Variants in PLIN5 observed in about 807,000 individuals in gnomAD.
PLIN5 encodes perilipin 5.
Under a neutral mutation model 32.8 loss-of-function variants are expected in PLIN5, and 34 were observed. The ratio of observed to expected loss-of-function variants is 1.04; its 90% CI spans 0.79 to 1.38. The LOEUF is 1.38. Ranked by LOEUF, PLIN5 falls within the 40% of genes most tolerant of loss-of-function variation. The pLI is 0.00. For missense variants in PLIN5, 712 were observed against 660.5 expected (o/e 1.08, Z -0.85); for synonymous variants, 309 against 292.9 (o/e 1.05, Z -0.56).
chr19:4,535,105 C>G (rs1211319749), intron 1 of PLIN5, 60 bp downstream of exon 1: 1 of 152,282 alleles, frequency 6.6e-6, no homozygotes, highest in African/African-American at 2.4e-5. Context: ...ACCACCCTAT[C>G]TGGAGCTCCT....
At chr19:4,529,566 AC>A in intron 4 of PLIN5, 1 of 507,690 alleles carries the variant, frequency 2.0e-6, no homozygotes, top group Non-Finnish European at 3.5e-6. Flanking sequence ...ATATACTTAT[AC>A]GTATATATAC....
rs1976886999 is a variant in PLIN5 at position 4,531,697 on chromosome 19, G to A, written c.186C>T (p.Asn62=). Residue 62 remains asparagine, a synonymous_variant, in exon 3 of 8, where the codon AAC becomes AAT. Coordinates refer to ENST00000381848, the MANE Select transcript of PLIN5 (RefSeq NM_001013706.3). ...CACGGGTGGTCAGGCCGCACACGCA[G>A]TTCTCAGCCAGGCGGCAGGCGGAGC... is the stretch of plus-strand genomic sequence containing the variant. ...LLGSACRLAE[N]CVCGLTTRAL... 1.3e-6 allele frequency: 2 copies of A among 1,568,274 alleles called. No homozygotes were observed. Among genetic ancestry groups the A allele is most frequent in the Non-Finnish European group, 1.7e-6 (2 of 1,160,952 alleles).
chr19:4,531,304 T>A (rs574134529), intron 3 of PLIN5, among the ~76,000 whole-genome samples: 6 of 149,830 alleles, frequency 4.0e-5, no homozygotes, highest in South Asian at 2.1e-4. Context: ...CAGCCAGATT[T>A]AAAAAAAAAA....
At chr19:4,527,082 A>AT (rs575166711) in intron 5 of PLIN5, among the ~76,000 whole-genome samples, 4,702 of 147,406 alleles carry the variant, frequency 0.032, 277 homozygotes, top group African/African-American at 0.11. Flanking sequence ...AAGAAAAAAA[A>AT]TTTTTTTTTT....
At position 4,525,926 on chromosome 19, in the gene PLIN5, CAGCACGGGGACAGGATACGG is replaced by C; in HGVS notation, c.521-114_521-95del. The C allele has an allele frequency of 3.5e-6, 2 of 566,872 alleles. No homozygotes were observed. Among genetic ancestry groups the C allele is most frequent in the Middle Eastern group, 4.9e-4 (1 of 2,044 alleles). 35.1% of individuals were successfully genotyped at this position (566,872 alleles called of 1,614,324 possible). On this transcript the variant is annotated intron_variant, in intron 5 of 7. Coordinates refer to ENST00000381848, the MANE Select transcript of PLIN5 (RefSeq NM_001013706.3). This position sits in a 1 kb window ranked among gnomAD's most constrained non-coding sequence, Gnocchi z 5.6. ...ACAGCACGGGGACAGGATACGGGGA[CAGCACGGGGACAGGATACGG>C]GGACAGCACGGGGACAGCATGGGGT...
rs1265510720 is a variant in PLIN5, at chr19:4,525,849, G to A, written c.521-17C>T. 3.9e-6 allele frequency: 6 copies of A among 1,552,822 alleles called. No individual in the cohort carries two copies. Among genetic ancestry groups the A allele is most frequent in the African/African-American group, 2.1e-5 (1 of 48,100 alleles). ...CCAGTGCCGCTGGAGGACAGGATAC[G>A]GGGACAGCACGGGGACAGGATACGG... On this transcript the variant is annotated splice_polypyrimidine_tract_variant and intron_variant, in intron 5 of 7. Transcript: ENST00000381848. The surrounding 1 kb of genome is among the most constrained non-coding windows in gnomAD (Gnocchi z 5.6).
In PLIN5 at chr19:4,527,530, C is replaced by A. The variant is rs1221016043; in HGVS notation, c.520+1543G>T. On this transcript the variant is annotated intron_variant, in intron 5 of 7. Coordinates refer to ENST00000381848, the MANE Select transcript of PLIN5 (RefSeq NM_001013706.3). ...CTCTAGCCTGGGCGACAGAGTGAGA[C>A]TCCACTTCAAAAAAAAAAAAAAAAA... Among the ~76,000 whole-genome samples, 4 of 93,396 alleles carry A rather than the reference C, an allele frequency of 4.3e-5. No homozygotes were observed. In the Admixed American group the frequency reaches 5.1e-4, roughly 12 times the overall value. The allele number at this position is 93,396 out of a possible 152,430, so 61.3% of individuals were successfully genotyped here.
In PLIN5 at chr19:4,531,817, C is replaced by A; in HGVS notation, c.66G>T (p.Val22=). Residue 22 remains valine, a synonymous_variant, in exon 3 of 8, where the codon GTG becomes GTT. Coordinates refer to ENST00000381848, the MANE Select transcript of PLIN5 (RefSeq NM_001013706.3). ...GGGGCAGAGCCACCACACGCTGCAC[C>A]ACGTTCTGCGGGAAGGGTCGGCATC... ...SSVWEQDQQN[V]VQRVVALPLV... 1.3e-6 allele frequency: 2 copies of A among 1,550,288 alleles called. No homozygotes were observed. Among genetic ancestry groups the A allele is most frequent in the South Asian group, 2.4e-5 (2 of 83,084 alleles).
chr19:4,530,143 T>C (rs1005810987), intron 3 of PLIN5, among the ~76,000 whole-genome samples: 1 of 151,682 alleles, frequency 6.6e-6, no homozygotes, highest in African/African-American at 2.4e-5. Flanking sequence ...ACGAGGGAGA[T>C]GGGGAGAAGG....
In PLIN5 at chr19:4,529,148, G is replaced by A. The variant is rs1976845536; in HGVS notation, c.445C>T (p.His149Tyr). ...TTTTCCAGTACAACATCCACAGCAT[G>A]GCTCACGGAGCGCTTCAGCTCCACG... is the stretch of plus-strand genomic sequence containing the variant. ...WSVELKRSVS[H>Y]AVDVVLEKSE... Residue 149 changes from histidine (H) to tyrosine (Y), a missense_variant, in exon 5 of 8, where the codon CAT becomes TAT. Coordinates refer to ENST00000381848, the MANE Select transcript of PLIN5 (RefSeq NM_001013706.3). 2 of 1,613,362 alleles carry A rather than the reference G, an allele frequency of 1.2e-6. No homozygotes were observed. Among genetic ancestry groups the A allele is most frequent in the African/African-American group, 1.3e-5 (1 of 75,028 alleles).
At position 4,522,594 on chromosome 19, in the gene PLIN5, G is replaced by A. The variant is rs1337057668; in HGVS notation, c.*934C>T. The stretch of plus-strand genomic sequence containing the variant: ...CCCAAACAGCAAAGCAAGCGAGTAT[G>A]GCAGGCTGAGCAGCACGGCCCATGG... On this transcript the variant is annotated 3_prime_UTR_variant, in exon 8 of 8. Coordinates refer to ENST00000381848, the MANE Select transcript of PLIN5 (RefSeq NM_001013706.3). The A allele has an allele frequency of 6.6e-6, 1 of 152,222 alleles. No individual in the cohort carries two copies. The highest frequency in any genetic ancestry group is 2.1e-4 in the South Asian group (1 of 4,832). 9.4% of individuals were successfully genotyped at this position (152,222 alleles called of 1,614,324 possible).
intron 3 of PLIN5, among the ~76,000 whole-genome samples, chr19:4,530,729 G>A (rs978374754): frequency 7.2e-5 from 11 of 152,068 alleles, no homozygotes; most frequent in Admixed American, 2.6e-4. Flanking sequence ...CTGGAGTGCA[G>A]TGGTGCGATC....
rs1268947197 is a variant in PLIN5, at chr19:4,525,083, G to C, written c.721-7C>G. On this transcript the variant is annotated splice_polypyrimidine_tract_variant and splice_region_variant and intron_variant, in intron 6 of 7. Transcript: ENST00000381848. This position sits in a 1 kb window ranked among gnomAD's most constrained non-coding sequence, Gnocchi z 5.6. ...CACACTGCATGTGGTCTATCTGCAA[G>C]GACAGAAATGGTGGTCTTCAGAGCT... The C allele has an allele frequency of 7.2e-7, 1 of 1,384,832 alleles. No homozygotes were observed. The highest frequency in any genetic ancestry group is 1.5e-5 in the African/African-American group (1 of 65,542). The allele number at this position is 1,384,832 out of a possible 1,614,324, so 85.8% of individuals were successfully genotyped here.
rs182486411 is a variant in PLIN5, at chr19:4,523,935, C to T, written c.985G>A (p.Ala329Thr). The T allele has an allele frequency of 2.0e-4, 301 of 1,528,532 alleles. No individual in the cohort carries two copies. Among genetic ancestry groups the T allele is most frequent in the Admixed American group, 2.2e-4 (11 of 49,838 alleles). The allele number at this position is 1,528,532 out of a possible 1,614,324, so 94.7% of individuals were successfully genotyped here. Residue 329 changes from alanine to threonine, a missense_variant, in exon 8 of 8, where the codon GCC (alanine) becomes ACC (threonine). Coordinates refer to ENST00000381848, the MANE Select transcript of PLIN5 (RefSeq NM_001013706.3). The surrounding 1 kb of genome is among the most constrained non-coding windows in gnomAD (Gnocchi z 5.0). ...VRRSVDALQTAFADARCFRDV... is the reference protein window; with the variant it reads ...VRRSVDALQTTFADARCFRDV... The stretch of plus-strand genomic sequence containing the variant: ...CTGAAGCAGCGGGCATCAGCGAAGG[C>T]GGTCTGCAGGGCATCCACACTGCGC...
chr19:4,526,529 C>T (rs1399496080), intron 5 of PLIN5, among the ~76,000 whole-genome samples: 1 of 152,188 alleles, frequency 6.6e-6, no homozygotes, highest in Non-Finnish European at 1.5e-5. Context: ...CCTGCTTAAC[C>T]ATTCTTTTAA....
intron 2 of PLIN5, chr19:4,532,338 T>C (rs1343560314): frequency 6.6e-6 from 1 of 152,592 alleles, no homozygotes; most frequent in African/African-American, 2.4e-5. Context: ...ATTACAGGCA[T>C]GCGCCACCAT....
At chr19:4,527,582 G>A (rs1031644743) in intron 5 of PLIN5, among the ~76,000 whole-genome samples, 4 of 146,922 alleles carry the variant, frequency 2.7e-5, no homozygotes, top group South Asian at 2.2e-4. Flanking sequence ...ATGGTTGGGC[G>A]TGGTGGACTC....
At chr19:4,530,688 T>C (rs1389766002) in intron 3 of PLIN5, among the ~76,000 whole-genome samples, 1 of 152,130 alleles carries the variant, frequency 6.6e-6, no homozygotes, top group Non-Finnish European at 1.5e-5. Flanking sequence ...ATTTATTTAT[T>C]TTGAGACAGA....
rs1457571533 is a variant in PLIN5 at position 4,523,618 on chromosome 19, C to A, written c.1302G>T (p.Arg434Ser). Residue 434 changes from arginine to serine, a missense_variant, in exon 8 of 8, where the codon AGG (arginine) becomes AGT (serine). Coordinates refer to ENST00000381848, the MANE Select transcript of PLIN5 (RefSeq NM_001013706.3). The surrounding 1 kb of genome is among the most constrained non-coding windows in gnomAD (Gnocchi z 5.0). ...CGCAGATGTCCCCGGCAACACCCAT[C>A]CTGTCCCCATCCCCATTCCCACTCC... ...RDGSGNGDGD[R>S]MGVAGDICEQ... 5.0e-6 allele frequency: 8 copies of A among 1,611,332 alleles called. No individual in the cohort carries two copies. The South Asian group carries it at 8.9e-5, about 18-fold the overall frequency.
Sources: allele counts gnomAD v4.1 joint callset (sites outside exome capture counted in the v4.1 genomes callset), GRCh38; gene constraint gnomAD v4.1.1; non-coding constraint Gnocchi (gnomAD v3.1); transcripts MANE v1.5; gene names NCBI Gene and HGNC (gene_info 2026-07-23, HGNC 2026-07-21).